MBD5: variants seen among roughly 807,000 people sequenced by gnomAD.
The protein encoded by MBD5 is methyl-CpG binding domain protein 5.
In MBD5, 13 loss-of-function variants were observed where a neutral mutation model predicts 117.3. The ratio of observed to expected loss-of-function variants is 0.11; its 90% CI spans 0.07 to 0.18. The LOEUF is 0.18. MBD5 is among the 10% of genes least tolerant of loss of function. MBD5 has a pLI of 1.00. For synonymous variants in MBD5, 727 were observed against 766.4 expected (o/e 0.95, Z 0.85); for missense variants, 1,879 against 2,093.8 (o/e 0.90, Z 2.00).
chr2:148,032,188 CAT>C (rs567400144), intron 1 of MBD5, among the ~76,000 whole-genome samples: 51 of 152,212 alleles, frequency 3.4e-4, no homozygotes, highest in African/African-American at 7.9e-4. Flanking sequence ...CTTTGACAAA[CAT>C]GTGTTGTTAC....
chr2:148,022,462 C>T (rs183920553), intron 1 of MBD5, among the ~76,000 whole-genome samples: 5 of 152,206 alleles, frequency 3.3e-5, no homozygotes, highest in African/African-American at 1.2e-4. Flanking sequence ...ACTTATTTTC[C>T]ATATGATGAG....
chr2:148,167,142 T>TTCAA (rs147018524), intron 1 of MBD5, among the ~76,000 whole-genome samples: 325 of 152,308 alleles, frequency 2.1e-3, no homozygotes, highest in African/African-American at 7.3e-3. Context: ...ATAGCTGCAT[T>TTCAA]TTGAAGCTGC....
intron 4 of MBD5, among the ~76,000 whole-genome samples, chr2:148,384,636 A>T (rs1704281773): frequency 6.6e-6 from 1 of 152,070 alleles, no homozygotes. Flanking sequence ...GGAACCACAA[A>T]AGAGTCCACA....
At chr2:148,311,241 T>G (rs2106528465) in intron 3 of MBD5, among the ~76,000 whole-genome samples, 1 of 152,278 alleles carries the variant, frequency 6.6e-6, no homozygotes, top group Middle Eastern at 3.4e-3. Context: ...ATATTGACAG[T>G]GGGGCATTAA....
chr2:148,313,391 CT>C, intron 3 of MBD5, among the ~76,000 whole-genome samples: 2 of 152,328 alleles, frequency 1.3e-5, no homozygotes, highest in Non-Finnish European at 2.9e-5. Context: ...GCTACAGCGG[CT>C]TTGCCAAGCT....
chr2:148,200,547 G>T (rs1699108233), intron 2 of MBD5, among the ~76,000 whole-genome samples: 1 of 152,092 alleles, frequency 6.6e-6, no homozygotes, highest in African/African-American at 2.4e-5. Flanking sequence ...AAAAAAATTA[G>T]CTGGGCATGG....
At chr2:148,356,690 AT>A (rs893502696) in intron 4 of MBD5, among the ~76,000 whole-genome samples, 2 of 151,768 alleles carry the variant, frequency 1.3e-5, no homozygotes, top group African/African-American at 4.8e-5. Flanking sequence ...TTCTTGTATC[AT>A]TTTTCTTTAT....
chr2:148,307,468 C>A (rs1028622220), intron 3 of MBD5, among the ~76,000 whole-genome samples: 1 of 147,184 alleles, frequency 6.8e-6, no homozygotes, highest in African/African-American at 2.5e-5. Flanking sequence ...CATCCTAAAA[C>A]AACAGTCATC....
intron 4 of MBD5, among the ~76,000 whole-genome samples, chr2:148,402,169 AG>A (rs1419674385): frequency 2.0e-5 from 3 of 152,134 alleles, no homozygotes; most frequent in African/African-American, 7.2e-5. Context: ...CTATGTGGAA[AG>A]AGATACTTTG....
intron 1 of MBD5, among the ~76,000 whole-genome samples, chr2:148,058,116 A>G (rs532808776): frequency 1.3e-5 from 2 of 151,700 alleles, no homozygotes; most frequent in Non-Finnish European, 3.0e-5. Flanking sequence ...TCACCTCCCT[A>G]CCCTTTACTT....
At chr2:148,452,933 G>A (rs1706772331) in intron 4 of MBD5, among the ~76,000 whole-genome samples, 1 of 152,120 alleles carries the variant, frequency 6.6e-6, no homozygotes, top group African/African-American at 2.4e-5. Context: ...TTAGACATGT[G>A]TTGCTAAAAT....
chr2:148,080,603 A>G lies in MBD5; in HGVS notation c.-925+58919A>G, dbSNP rs182051950. 4.3e-4 allele frequency among the ~76,000 whole-genome samples: 65 copies of G among 152,284 alleles called. No individual in the cohort carries two copies. The East Asian group carries it at 0.01, about 24-fold the overall frequency. ...CTAGTTAGGTTTAAATAGACATTTTATTTCCATTCTTAAAGTTTTTAGATG... is the reference window on the plus strand; with the variant it reads ...CTAGTTAGGTTTAAATAGACATTTTGTTTCCATTCTTAAAGTTTTTAGATG... On this transcript the variant is annotated intron_variant, in intron 1 of 13. Coordinates refer to ENST00000642680, the MANE Select transcript of MBD5 (RefSeq NM_001378120.1).
chr2:148,031,176 G>A (rs1353092054), intron 1 of MBD5, among the ~76,000 whole-genome samples: 1 of 152,086 alleles, frequency 6.6e-6, no homozygotes, highest in African/African-American at 2.4e-5. Flanking sequence ...TAATATTTTT[G>A]TAATGTTTTC....
At chr2:148,502,581 T>C (rs1198044347) in intron 12 of MBD5, 72 bp downstream of exon 12, 37 of 1,422,830 alleles carry the variant, frequency 2.6e-5, no homozygotes, top group Non-Finnish European at 3.1e-5. Context: ...AAAGGGACAA[T>C]GAAATCTCAC....
chr2:148,056,462 G>A (rs1694866423), intron 1 of MBD5, among the ~76,000 whole-genome samples: 1 of 151,528 alleles, frequency 6.6e-6, no homozygotes, highest in South Asian at 2.1e-4. Flanking sequence ...TTTTTCTTGT[G>A]GATGCCTTTT....
Position 148,369,842 on chromosome 2 carries a change from C to T in MBD5, c.-557+27506C>T, listed in dbSNP as rs114730891. 9.0e-3 allele frequency among the ~76,000 whole-genome samples: 1,371 copies of T among 152,072 alleles called. 22 individuals are homozygous for T. Among genetic ancestry groups the T allele is most frequent in the African/African-American group, 0.032 (1,315 of 41,482 alleles). On this transcript the variant is annotated intron_variant, in intron 4 of 13. Transcript: ENST00000642680. ...TGTTAAATTCTTTATGTTAAATGTA[C>T]CATTTGAATTCAGGATATTAATATT...
chr2:148,355,178 T>C (rs1703349074), intron 4 of MBD5, among the ~76,000 whole-genome samples: 1 of 152,166 alleles, frequency 6.6e-6, no homozygotes, highest in Non-Finnish European at 1.5e-5. Context: ...TATTAGACCT[T>C]TGTCAGATGG....
At chr2:148,122,799 T>G (rs1248241214) in intron 1 of MBD5, among the ~76,000 whole-genome samples, 1 of 152,206 alleles carries the variant, frequency 6.6e-6, no homozygotes, top group Non-Finnish European at 1.5e-5. Context: ...ATGCAGTGGA[T>G]GTGAAAATAG....
At chr2:148,308,814 C>T (rs534242855) in intron 3 of MBD5, among the ~76,000 whole-genome samples, 15 of 151,732 alleles carry the variant, frequency 9.9e-5, no homozygotes, top group Non-Finnish European at 2.1e-4. Context: ...TTAATCCATC[C>T]TAAGTTCATT....
Sources: gnomAD v4.1 joint callset for allele counts (sites outside exome capture counted in the v4.1 genomes callset) on GRCh38, gnomAD v4.1.1 for gene constraint, MANE v1.5 for transcripts, NCBI Gene and HGNC (gene_info 2026-07-23, HGNC 2026-07-21) for gene names.